CCDC91: variants seen among roughly 807,000 people sequenced by gnomAD.
CCDC91 encodes coiled-coil domain-containing protein 91.
CCDC91 carries 48 observed loss-of-function variants against 63.2 expected under a neutral mutation model. The observed-to-expected ratio is 0.76, with a 90% CI of 0.60 to 0.97. The LOEUF is 0.97. Among genes scored for constraint, CCDC91 ranks in the 50% least tolerant of loss-of-function variants. CCDC91 has a pLI of 0.00. For synonymous variants in CCDC91, 167 were observed against 165.8 expected (o/e 1.01, Z -0.06); for missense variants, 500 against 494.6 (o/e 1.01, Z -0.10).
At chr12:28,467,744 T>C (rs1317194414) in intron 11 of CCDC91, among the ~76,000 whole-genome samples, 1 of 152,018 alleles carries the variant, frequency 6.6e-6, no homozygotes, top group African/African-American at 2.4e-5. Flanking sequence ...TTTAACAATT[T>C]GAATAATATC....
At chr12:28,531,888 A>G (rs1941764113) in intron 12 of CCDC91, among the ~76,000 whole-genome samples, 1 of 152,220 alleles carries the variant, frequency 6.6e-6, no homozygotes, top group Middle Eastern at 3.4e-3. Context: ...GGAACTGACA[A>G]TCAAGTATGA....
At chr12:28,472,625 A>G (rs1174648215) in intron 11 of CCDC91, among the ~76,000 whole-genome samples, 1 of 152,168 alleles carries the variant, frequency 6.6e-6, no homozygotes, top group Non-Finnish European at 1.5e-5. Context: ...GTAATGAGAG[A>G]TTCTACATAT....
intron 8 of CCDC91, among the ~76,000 whole-genome samples, chr12:28,397,996 C>T (rs1267527277): frequency 6.6e-6 from 1 of 151,984 alleles, no homozygotes; most frequent in African/African-American, 2.4e-5. Flanking sequence ...ATATAAATTC[C>T]ATGAGAGCTA....
At chr12:28,301,219 A>G (rs1466079215) in intron 3 of CCDC91, among the ~76,000 whole-genome samples, 1 of 151,430 alleles carries the variant, frequency 6.6e-6, no homozygotes, top group Non-Finnish European at 1.5e-5. Context: ...AGGTTTATAT[A>G]TTTTATTTTC....
chr12:28,247,685 G>A (rs1462894912), intron 1 of CCDC91, among the ~76,000 whole-genome samples: 1 of 152,084 alleles, frequency 6.6e-6, no homozygotes, highest in Non-Finnish European at 1.5e-5. Flanking sequence ...TGCTTAGGGT[G>A]AAAGTATTGG....
intron 12 of CCDC91, among the ~76,000 whole-genome samples, chr12:28,543,081 C>G (rs182449387): frequency 6.6e-6 from 1 of 152,042 alleles, no homozygotes; most frequent in Non-Finnish European, 1.5e-5. Context: ...TCTAGTGATT[C>G]GGCCTCCATC....
intron 6 of CCDC91, among the ~76,000 whole-genome samples, chr12:28,320,636 T>TCATTTTG (rs1592299490): frequency 6.6e-6 from 1 of 151,874 alleles, no homozygotes; most frequent in East Asian, 1.9e-4. Flanking sequence ...GCTTATAAAA[T>TCATTTTG]CAGTACACTT....
rs185988740 is a variant in CCDC91 at position 28,223,494 on chromosome 12, C to T, written c.-15+32853C>T. 4.7e-3 allele frequency among the ~76,000 whole-genome samples: 714 copies of T among 152,208 alleles called. 6 individuals carry two copies. The highest frequency in any genetic ancestry group is 0.014 in the Middle Eastern group (4 of 294). Reference sequence around the variant, plus strand: ...CCTGTTCAGTGTACTTAGCTTCTAGCGTTCTGGTGCAACTACCTGGCACTC... The same window carrying T: ...CCTGTTCAGTGTACTTAGCTTCTAGTGTTCTGGTGCAACTACCTGGCACTC... On this transcript the variant is annotated intron_variant, in intron 1 of 12. Transcript: ENST00000536442.
chr12:28,549,581 T>G lies in CCDC91; in HGVS notation c.*408T>G, dbSNP rs1383107377. On this transcript the variant is annotated 3_prime_UTR_variant, in exon 13 of 13. Coordinates refer to ENST00000536442, the MANE Select transcript of CCDC91 (RefSeq NM_018318.5). Reference sequence around the variant, plus strand: ...AATGTAACCATACATTTATCTTATTTTGAGGATAGAAATAGCATGGATTTC... The same window carrying G: ...AATGTAACCATACATTTATCTTATTGTGAGGATAGAAATAGCATGGATTTC... 6.5e-6 allele frequency: 1 copy of G among 152,692 alleles called. No homozygotes were observed. The highest frequency in any genetic ancestry group is 1.5e-5 in the Non-Finnish European group (1 of 68,422). The allele number at this position is 152,692 out of a possible 1,614,324, so 9.5% of individuals were successfully genotyped here.
chr12:28,497,227 C>T (rs566761417), intron 12 of CCDC91, among the ~76,000 whole-genome samples: 4 of 151,522 alleles, frequency 2.6e-5, no homozygotes, highest in Admixed American at 6.6e-5. Context: ...TTTCTTCTCT[C>T]CTTCTCCCCA....
chr12:28,289,155 ATT>A, intron 3 of CCDC91, among the ~76,000 whole-genome samples: 1 of 143,762 alleles, frequency 7.0e-6, no homozygotes, highest in African/African-American at 2.5e-5. Context: ...GATCTTTTGA[ATT>A]TTTTTTTTTT....
At chr12:28,196,754 A>G (rs1487046120) in intron 1 of CCDC91, among the ~76,000 whole-genome samples, 10 of 152,254 alleles carry the variant, frequency 6.6e-5, no homozygotes, top group Middle Eastern at 3.4e-3. Flanking sequence ...AAGTTACCCT[A>G]TTTTCAGTAA....
At chr12:28,543,438 A>G (rs1260034386) in intron 12 of CCDC91, among the ~76,000 whole-genome samples, 1 of 151,954 alleles carries the variant, frequency 6.6e-6, no homozygotes, top group East Asian at 1.9e-4. Context: ...AGCAGCTTGA[A>G]GCCGTGGTTT....
At chr12:28,236,642 T>C (rs1234677494) in intron 1 of CCDC91, 8 of 152,088 alleles carry the variant, frequency 5.3e-5, no homozygotes, top group Non-Finnish European at 1.0e-4. Context: ...GTGAAATATG[T>C]CACTTTTTAG....
intron 12 of CCDC91, among the ~76,000 whole-genome samples, chr12:28,524,654 A>G (rs1941089065): frequency 6.6e-6 from 1 of 152,042 alleles, no homozygotes; most frequent in African/African-American, 2.4e-5. Context: ...TCTGTCTTGT[A>G]GAATAGTGTC....
At chr12:28,237,115 G>T (rs931549050) in intron 1 of CCDC91, among the ~76,000 whole-genome samples, 4 of 151,944 alleles carry the variant, frequency 2.6e-5, no homozygotes, top group African/African-American at 9.7e-5. Context: ...ATATTATATT[G>T]TAAGTGATTT....
At chr12:28,310,021 A>G (rs1939153137) in intron 6 of CCDC91, among the ~76,000 whole-genome samples, 2 of 152,058 alleles carry the variant, frequency 1.3e-5, no homozygotes, top group African/African-American at 4.8e-5. Flanking sequence ...AGTACTTGGC[A>G]TATAGTGCAT....
rs138727923 is a variant in CCDC91 at position 28,312,751 on chromosome 12, G to A, written c.576+5002G>A. Among the ~76,000 whole-genome samples the A allele has an allele frequency of 4.5e-3, 687 of 152,114 alleles. 2 individuals carry two copies. Among genetic ancestry groups the A allele is most frequent in the Non-Finnish European group, 5.8e-3 (394 of 67,954 alleles). ...GCAGATAATTGAATCATGGGGATGT[G>A]TCTTTCTTGTGCTATTCTTGTGATA... On this transcript the variant is annotated intron_variant, in intron 6 of 12. Transcript: ENST00000536442.
chr12:28,510,085 G>A (rs1314479022), intron 12 of CCDC91, among the ~76,000 whole-genome samples: 3 of 151,794 alleles, frequency 2.0e-5, no homozygotes, highest in Non-Finnish European at 4.4e-5. Flanking sequence ...GCAAAGGATG[G>A]AGAAGCTGGT....
Sources: allele counts gnomAD v4.1 joint callset (sites outside exome capture counted in the v4.1 genomes callset), GRCh38; gene constraint gnomAD v4.1.1; transcripts MANE v1.5; gene names NCBI Gene and HGNC (gene_info 2026-07-23, HGNC 2026-07-21).